The following UIMC1 variants were observed in gnomAD, a reference collection of about 807,000 sequenced individuals.
UIMC1 encodes ubiquitin interaction motif containing 1.
Under a neutral mutation model 84.9 loss-of-function variants are expected in UIMC1, and 42 were observed. The ratio of observed to expected loss-of-function variants is 0.49; its 90% CI spans 0.39 to 0.64. The LOEUF is 0.64. Ranked by LOEUF, UIMC1 falls within the 30% of genes least tolerant of loss-of-function variation. The pLI is 0.00. For synonymous variants in UIMC1, 281 were observed against 293.0 expected, an observed-to-expected ratio of 0.96 and a Z score of 0.42; for missense variants, 825 against 847.6, an observed-to-expected ratio of 0.97 and a Z score of 0.33.
chr5:176,950,896 T>C (rs1048500461), intron 9 of UIMC1, among the ~76,000 whole-genome samples: 9 of 151,366 alleles, frequency 5.9e-5, no homozygotes, highest in Non-Finnish European at 1.0e-4. Flanking sequence ...AAAGGAAAAA[T>C]ATACACACCG....
intron 10 of UIMC1, among the ~76,000 whole-genome samples, chr5:176,930,372 T>C (rs1272735923): frequency 6.6e-6 from 1 of 152,264 alleles, no homozygotes; most frequent in Non-Finnish European, 1.5e-5. Flanking sequence ...GAAGATTCTA[T>C]AGAGCACAGA....
chr5:176,939,518 A>C (rs1764162023), intron 10 of UIMC1, among the ~76,000 whole-genome samples: 1 of 152,148 alleles, frequency 6.6e-6, no homozygotes, highest in East Asian at 1.9e-4. Flanking sequence ...ATGTGTTTAG[A>C]TACACAAATA....
chr5:176,952,545 T>C (rs1766016798), intron 8 of UIMC1, among the ~76,000 whole-genome samples: 1 of 152,242 alleles, frequency 6.6e-6, no homozygotes, highest in Non-Finnish European at 1.5e-5. Context: ...GTACTGTCTA[T>C]GGCTGTTTTT....
At chr5:176,916,049 T>C (rs1760945243) in intron 10 of UIMC1, among the ~76,000 whole-genome samples, 1 of 152,192 alleles carries the variant, frequency 6.6e-6, no homozygotes, top group Non-Finnish European at 1.5e-5. Context: ...TGGACTGGAC[T>C]GGGGCTTGCC....
rs1350842907 is a variant in UIMC1 at position 176,969,268 on chromosome 5, A to G, written c.487T>C (p.Ser163Pro). Residue 163 changes from serine (S) to proline (P), a missense_variant, in exon 6 of 15, where the codon TCA (serine) becomes CCA (proline). Transcript: ENST00000511320. ...TEGIWQLVPP[S>P]LFKGSHISQG... is the part of the protein sequence containing the mutation. Reference sequence around the variant, plus strand: ...CTGATATGTGAGCCTTTAAACAGTGATGGAGGTACCAGCTGCCATATGCCT... The same window carrying G: ...CTGATATGTGAGCCTTTAAACAGTGGTGGAGGTACCAGCTGCCATATGCCT... 3 of 1,613,408 alleles carry G rather than the reference A, an allele frequency of 1.9e-6. No homozygotes were observed. The South Asian group carries it at 3.3e-5, about 18-fold the overall frequency.
At chr5:177,022,477 AG>A in exon 1 of UIMC1, 1 of 457,744 alleles carries the variant, frequency 2.2e-6, no homozygotes. Flanking sequence ...GAGCAAGGTG[AG>A]AGCCATGAGC....
At position 176,911,329 on chromosome 5, in the gene UIMC1, G is replaced by A. The variant is rs1204507949; in HGVS notation, c.1658C>T (p.Thr553Ile). Residue 553 changes from threonine to isoleucine, a missense_variant, in exon 11 of 15, where the codon ACT becomes ATT. Coordinates refer to ENST00000511320, the MANE Select transcript of UIMC1 (RefSeq NM_001199298.2). ...TACTTACTTGTCAATGTCTAGAGAA[G>A]TCTGGGCAGCTGTCCCACTGTCACT... ...TKSDSGTAAQ[T>I]SLDIDKNEKC... The A allele has an allele frequency of 1.9e-6, 3 of 1,598,904 alleles. No homozygotes were observed. The highest frequency in any genetic ancestry group is 2.6e-6 in the Non-Finnish European group (3 of 1,171,624).
intron 11 of UIMC1, among the ~76,000 whole-genome samples, chr5:176,910,883 G>A (rs1433499477): frequency 6.6e-6 from 1 of 152,092 alleles, no homozygotes; most frequent in Non-Finnish European, 1.5e-5. Context: ...CTGAGGTCAG[G>A]AGTTCGAGAC....
chr5:176,939,137 G>A (rs1764094106), intron 10 of UIMC1, among the ~76,000 whole-genome samples: 1 of 151,330 alleles, frequency 6.6e-6, no homozygotes. Context: ...TGTGCCCATA[G>A]TCCCAGCTAC....
At chr5:176,918,485 T>C (rs1385249590) in intron 10 of UIMC1, among the ~76,000 whole-genome samples, 1 of 152,256 alleles carries the variant, frequency 6.6e-6, no homozygotes, top group Non-Finnish European at 1.5e-5. Context: ...GTACCAGCTA[T>C]GTATCATAAC....
chr5:176,938,189 CAAAAAAAA>C (rs1170386962), intron 10 of UIMC1, among the ~76,000 whole-genome samples: 9 of 56,338 alleles, frequency 1.6e-4, no homozygotes, highest in Non-Finnish European at 2.8e-4. Flanking sequence ...GACCCTGTCT[CAAAAAAAA>C]AAAAAAAAAA....
chr5:176,911,112 G>GAAGAAAAGAAAAGAAAAGAAAAGAA (rs35830185), intron 11 of UIMC1, among the ~76,000 whole-genome samples, 199 bp downstream of exon 11: 54 of 117,002 alleles, frequency 4.6e-4, no homozygotes, highest in South Asian at 1.4e-3. Flanking sequence ...GAGAGAGAGA[G>GAAGAAAAGAAAAGAAAAGAAAAGAA]AAGAAAAGAA....
intron 1 of UIMC1, among the ~76,000 whole-genome samples, chr5:177,003,632 G>A (rs770567950): frequency 1.2e-4 from 18 of 152,142 alleles, no homozygotes; most frequent in East Asian, 1.9e-4. Context: ...CAGCTTGGGC[G>A]ACAGAATGAG....
At chr5:176,985,212 T>C (rs1034035124) in intron 1 of UIMC1, among the ~76,000 whole-genome samples, 2 of 152,002 alleles carry the variant, frequency 1.3e-5, no homozygotes, top group African/African-American at 4.8e-5. Flanking sequence ...TCCCAGCACT[T>C]TGGGAAGCTG....
chr5:176,931,209 C>T (rs1423610404), intron 10 of UIMC1, among the ~76,000 whole-genome samples: 1 of 151,872 alleles, frequency 6.6e-6, no homozygotes, highest in Non-Finnish European at 1.5e-5. Flanking sequence ...AAGATAGTTC[C>T]AATGGAGATC....
chr5:176,981,144 GT>G (rs769202785), intron 2 of UIMC1, among the ~76,000 whole-genome samples: 5,949 of 132,212 alleles, frequency 0.045, 218 homozygotes, highest in African/African-American at 0.14. Context: ...TGTTTTGTTG[GT>G]TTTTTTTTTT....
intron 1 of UIMC1, among the ~76,000 whole-genome samples, chr5:177,020,789 T>C (rs1486723830): frequency 6.6e-6 from 1 of 152,238 alleles, no homozygotes; most frequent in East Asian, 1.9e-4. Context: ...TTACTACAGC[T>C]TCCCTGTCTT....
At chr5:176,952,306 G>A (rs1463138780) in intron 8 of UIMC1, among the ~76,000 whole-genome samples, 1 of 152,162 alleles carries the variant, frequency 6.6e-6, no homozygotes, top group Non-Finnish European at 1.5e-5. Context: ...ACAAAGATAT[G>A]CCTTTCTTTA....
At chr5:177,006,101 G>A (rs1236892304) in intron 1 of UIMC1, among the ~76,000 whole-genome samples, 1 of 152,188 alleles carries the variant, frequency 6.6e-6, no homozygotes, top group African/African-American at 2.4e-5. Context: ...GGCGCCCCGA[G>A]GCGTGAGGCG....
Sources: allele counts gnomAD v4.1 joint callset (sites outside exome capture counted in the v4.1 genomes callset), GRCh38; gene constraint gnomAD v4.1.1; transcripts MANE v1.5; gene names NCBI Gene and HGNC (gene_info 2026-07-23, HGNC 2026-07-21).